F5: variants seen among roughly 807,000 people sequenced by gnomAD.
F5 encodes activated protein c cofactor.
F5 carries 138 observed loss-of-function variants against 216.4 expected under a neutral mutation model. The ratio of observed to expected loss-of-function variants is 0.64; its 90% CI spans 0.56 to 0.73. The LOEUF (loss-of-function observed/expected upper bound fraction) is 0.73. Among genes scored for constraint, F5 ranks in the 30% least tolerant of loss-of-function variants. F5 has a pLI of 0.00. For missense variants in F5, 2,403 were observed against 2,674.0 expected, an observed-to-expected ratio of 0.90 and a Z score of 2.24; for synonymous variants, 916 against 930.7, an observed-to-expected ratio of 0.98 and a Z score of 0.29.
Position 169,540,178 on chromosome 1 carries a change from G to A in F5, c.4796+116C>T, listed in dbSNP as rs1015727240. 14 of 1,133,078 alleles carry A rather than the reference G, an allele frequency of 1.2e-5. No individual in the cohort carries two copies. In the Admixed American group the frequency reaches 2.9e-4, roughly 23 times the overall value. The allele number at this position is 1,133,078 out of a possible 1,614,324, so 70.2% of individuals were successfully genotyped here. The stretch of plus-strand genomic sequence containing the variant: ...AAAAGAACAGGCCAACTTGCAATAG[G>A]GGAACCACACTGTTCTTAGTATAAT... On this transcript the variant is annotated intron_variant, in intron 13 of 24. Transcript: ENST00000367797.
At chr1:169,556,045 T>C (rs2101829748) in intron 6 of F5, among the ~76,000 whole-genome samples, 1 of 152,326 alleles carries the variant, frequency 6.6e-6, no homozygotes, top group South Asian at 2.1e-4. Context: ...CAAAAATGTG[T>C]AGTAGAACAA....
chr1:169,544,143 A>G (rs919571753), intron 12 of F5, among the ~76,000 whole-genome samples, 153 bp downstream of exon 12: 1 of 152,178 alleles, frequency 6.6e-6, no homozygotes, highest in Non-Finnish European at 1.5e-5. Context: ...TTAATTTCTC[A>G]AAGAGAAATC....
At chr1:169,578,042 T>C (rs1456037095) in intron 2 of F5, among the ~76,000 whole-genome samples, 1 of 152,178 alleles carries the variant, frequency 6.6e-6, no homozygotes, top group Non-Finnish European at 1.5e-5. Context: ...ACATAGTTAA[T>C]GGCAGTGTTC....
intron 2 of F5, 120 bp from the exon 3 acceptor site, chr1:169,572,463 G>T (rs1043763095): frequency 8.4e-7 from 1 of 1,194,182 alleles, no homozygotes; most frequent in East Asian, 2.4e-5. Flanking sequence ...CTGGTCCTGA[G>T]GCTGACTCAC....
At chr1:169,531,176 A>G (rs1336536050) in intron 14 of F5, among the ~76,000 whole-genome samples, 154 bp from the exon 15 acceptor site, 1 of 152,226 alleles carries the variant, frequency 6.6e-6, no homozygotes, top group African/African-American at 2.4e-5. Flanking sequence ...TTTAATTTTC[A>G]TAACCATCCT....
Position 169,536,488 on chromosome 1 carries a change from A to T in F5, c.4971+18T>A. 6.2e-7 allele frequency: 1 copy of T among 1,610,016 alleles called. No individual in the cohort carries two copies. Among genetic ancestry groups the T allele is most frequent in the Non-Finnish European group, 8.5e-7 (1 of 1,176,656 alleles). On this transcript the variant is annotated intron_variant, in intron 14 of 24. Coordinates refer to ENST00000367797, the MANE Select transcript of F5 (RefSeq NM_000130.5). ...TGGAAATTCCTCCGAAGATCTTAGC[A>T]GTGCTCAAAAGACTTACTTGGATAA...
chr1:169,528,975 A>G (rs1659527536), intron 16 of F5, among the ~76,000 whole-genome samples: 1 of 152,148 alleles, frequency 6.6e-6, no homozygotes, highest in African/African-American at 2.4e-5. Flanking sequence ...TTCATAACAC[A>G]AGCTCGTACC....
In F5 at chr1:169,555,361, G is replaced by A; in HGVS notation, c.953-14C>T. ...CCTGCATCCCAGCTGAGTTAGGACAGAAAGACAATGAAATAACTCAAGAGA... is the reference window on the plus strand; with the variant it reads ...CCTGCATCCCAGCTGAGTTAGGACAAAAAGACAATGAAATAACTCAAGAGA... On this transcript the variant is annotated splice_polypyrimidine_tract_variant and intron_variant, in intron 6 of 24. Coordinates refer to ENST00000367797, the MANE Select transcript of F5 (RefSeq NM_000130.5). 9 of 1,613,556 alleles carry A rather than the reference G, an allele frequency of 5.6e-6. No individual in the cohort carries two copies. The highest frequency in any genetic ancestry group is 1.3e-5 in the African/African-American group (1 of 74,984).
At chr1:169,540,194 T>G in intron 13 of F5, 100 bp downstream of exon 13, 1 of 1,283,854 alleles carries the variant, frequency 7.8e-7, no homozygotes, top group Non-Finnish European at 1.1e-6. Flanking sequence ...CACACTGTTC[T>G]TAGTATAATT....
At chr1:169,575,686 G>A (rs1247412931) in intron 2 of F5, among the ~76,000 whole-genome samples, 1 of 152,106 alleles carries the variant, frequency 6.6e-6, no homozygotes, top group African/African-American at 2.4e-5. Flanking sequence ...AAGGACATCA[G>A]TTGCTGTGGA....
At position 169,552,546 on chromosome 1, in the gene F5, G is replaced by T. The variant is rs1660197442; in HGVS notation, c.1296+11C>A. On this transcript the variant is annotated intron_variant, in intron 8 of 24. Transcript: ENST00000367797. ...TAATTTCTCCCATGATTCTGTATTT[G>T]TGTTACTTACTTTGAGTGTGTCTCT... 1.2e-6 allele frequency: 2 copies of T among 1,608,494 alleles called. No homozygotes were observed. The highest frequency in any genetic ancestry group is 1.7e-6 in the Non-Finnish European group (2 of 1,175,372).
At chr1:169,578,341 C>A (rs547598974) in intron 2 of F5, among the ~76,000 whole-genome samples, 8 of 152,314 alleles carry the variant, frequency 5.3e-5, no homozygotes, top group African/African-American at 1.4e-4. Context: ...TCAGAGTCTA[C>A]CTCTAACAAG....
At chr1:169,536,483 T>C (rs899384259) in intron 14 of F5, 23 bp downstream of exon 14, 1 of 1,608,718 alleles carries the variant, frequency 6.2e-7, no homozygotes, top group Non-Finnish European at 8.5e-7. Flanking sequence ...TCCGAAGATC[T>C]TAGCAGTGCT....
chr1:169,558,906 T>A (rs1660392250), intron 5 of F5, among the ~76,000 whole-genome samples: 1 of 152,064 alleles, frequency 6.6e-6, no homozygotes, highest in South Asian at 2.1e-4. Flanking sequence ...AAGGTCTTAT[T>A]CAAAGTACAG....
Position 169,512,825 on chromosome 1 carries a change from A to T in F5, c.*1488T>A, listed in dbSNP as rs75764442. Among the ~76,000 whole-genome samples the T allele has an allele frequency of 6.6e-6, 1 of 152,108 alleles. No individual in the cohort carries two copies. The highest frequency in any genetic ancestry group is 1.5e-5 in the Non-Finnish European group (1 of 67,988). ...TCTGGTAGTTTCTAAAGATGCTCCC[A>T]GTGAATTATGCCTCCTGGTATGTGG... On this transcript the variant is annotated 3_prime_UTR_variant, in exon 25 of 25. Transcript: ENST00000367797.
intron 17 of F5, 140 bp downstream of exon 17, chr1:169,527,775 G>T: frequency 9.4e-7 from 1 of 1,067,240 alleles, no homozygotes. Flanking sequence ...GGGTCTATGG[G>T]TTTGCCTAGG....
chr1:169,536,943 C>T (rs1229901846), intron 13 of F5, among the ~76,000 whole-genome samples: 2 of 151,752 alleles, frequency 1.3e-5, no homozygotes, highest in Non-Finnish European at 2.9e-5. Context: ...TCTCATATTT[C>T]TATAGTATTA....
At chr1:169,585,395 AGT>A (rs1661080443) in intron 1 of F5, among the ~76,000 whole-genome samples, 2 of 152,358 alleles carry the variant, frequency 1.3e-5, no homozygotes, top group African/African-American at 4.8e-5. Flanking sequence ...AAGGAAAAAA[AGT>A]GAGTCACACT....
intron 11 of F5, 49 bp downstream of exon 11, chr1:169,546,393 C>A: frequency 6.2e-7 from 1 of 1,610,960 alleles, no homozygotes; most frequent in Non-Finnish European, 8.5e-7. Context: ...AGTCATATTT[C>A]AACCACAGGA....
Sources: gnomAD v4.1 joint callset for allele counts (sites outside exome capture counted in the v4.1 genomes callset) on GRCh38, gnomAD v4.1.1 for gene constraint, MANE v1.5 for transcripts, NCBI Gene and HGNC (gene_info 2026-07-23, HGNC 2026-07-21) for gene names.